Variants in GRID2 observed in about 807,000 individuals in gnomAD.
GRID2 encodes glutamate receptor ionotropic, delta-2.
A neutral mutation model predicts 114.8 loss-of-function variants in GRID2; 33 were observed. That is an observed-to-expected ratio of 0.29 (90% CI 0.22 to 0.38). GRID2 has a LOEUF of 0.38. GRID2 is among the 10% of genes least tolerant of loss of function. The pLI is 1.00. For missense variants in GRID2, 1,184 were observed against 1,257.7 expected (o/e 0.94, Z 0.89); for synonymous variants, 505 against 449.9 (o/e 1.12, Z -1.55).
intron 14 of GRID2, among the ~76,000 whole-genome samples, chr4:93,663,494 T>C (rs1723680619): frequency 6.6e-6 from 1 of 151,572 alleles, no homozygotes; most frequent in Non-Finnish European, 1.5e-5. Context: ...AAAATACATA[T>C]GTATGTATTA....
intron 2 of GRID2, among the ~76,000 whole-genome samples, chr4:93,075,374 A>T (rs867253136): frequency 6.6e-6 from 1 of 152,184 alleles, no homozygotes. Context: ...ATTATTTTCA[A>T]TTGTGAAAAA....
At chr4:92,747,904 C>T (rs974071066) in intron 2 of GRID2, among the ~76,000 whole-genome samples, 3 of 152,160 alleles carry the variant, frequency 2.0e-5, no homozygotes, top group African/African-American at 7.2e-5. Flanking sequence ...GTTTTCCAAA[C>T]TTCACTGATG....
chr4:93,514,422 TACACACACACACACACAC>T (rs56718347), intron 12 of GRID2, among the ~76,000 whole-genome samples: 9 of 139,754 alleles, frequency 6.4e-5, no homozygotes, highest in Admixed American at 1.5e-4. Context: ...ACCTCCACAG[TACACACACACACACACAC>T]ACACACACAC....
intron 10 of GRID2, among the ~76,000 whole-genome samples, chr4:93,433,396 G>A (rs1028896668): frequency 1.3e-5 from 2 of 152,016 alleles, no homozygotes; most frequent in Non-Finnish European, 2.9e-5. Flanking sequence ...ACATGTAATT[G>A]ACAACATAAA....
chr4:93,458,757 T>TA (rs974504790), intron 11 of GRID2, among the ~76,000 whole-genome samples: 2 of 151,960 alleles, frequency 1.3e-5, no homozygotes, highest in East Asian at 1.9e-4. Flanking sequence ...TTGACATATG[T>TA]AAAAAAAGGG....
intron 8 of GRID2, chr4:93,319,787 C>T (rs1168930297): frequency 2.0e-5 from 3 of 152,122 alleles, no homozygotes; most frequent in African/African-American, 7.2e-5. Context: ...TCAAGGAAAA[C>T]ATGGCCTCAG....
chr4:92,698,154 G>A (rs1734507545), intron 2 of GRID2, among the ~76,000 whole-genome samples: 1 of 152,066 alleles, frequency 6.6e-6, no homozygotes, highest in Non-Finnish European at 1.5e-5. Flanking sequence ...CTGTCTAAAT[G>A]CTGCCTAAGA....
At chr4:93,281,468 A>G (rs2149586203) in intron 8 of GRID2, among the ~76,000 whole-genome samples, 1 of 152,114 alleles carries the variant, frequency 6.6e-6, no homozygotes, top group South Asian at 2.1e-4. Context: ...CGACATGTTG[A>G]GGCATTGGAG....
At chr4:92,997,361 C>G (rs988003592) in intron 2 of GRID2, among the ~76,000 whole-genome samples, 1 of 152,164 alleles carries the variant, frequency 6.6e-6, no homozygotes, top group East Asian at 1.9e-4. Flanking sequence ...AAGACTCTCT[C>G]TAAGTCTGTG....
chr4:93,455,091 T>A (rs1368471552), intron 10 of GRID2, among the ~76,000 whole-genome samples: 1 of 152,094 alleles, frequency 6.6e-6, no homozygotes, highest in East Asian at 1.9e-4. Context: ...TTTCTGAAGT[T>A]TATACAATAC....
intron 1 of GRID2, among the ~76,000 whole-genome samples, chr4:92,370,836 A>C (rs1017960161): frequency 3.9e-5 from 6 of 152,184 alleles, no homozygotes; most frequent in African/African-American, 7.2e-5. Context: ...GATGGTTACC[A>C]AAGGGTGGGC....
In GRID2 at chr4:92,858,582, G is replaced by A. The variant is rs566284270; in HGVS notation, c.245-226413G>A. 5.3e-5 allele frequency among the ~76,000 whole-genome samples: 8 copies of A among 152,214 alleles called. No homozygotes were observed. The South Asian group carries it at 1.7e-3, about 32-fold the overall frequency. The stretch of plus-strand genomic sequence containing the variant: ...TGTTTTTTTTCTTTCTTTTGAGACG[G>A]AGTCTCACACTTTCGCCCAGGCTGG... On this transcript the variant is annotated intron_variant, in intron 2 of 15. Transcript: ENST00000282020.
At chr4:93,491,584 G>GA (rs1727018915) in intron 12 of GRID2, among the ~76,000 whole-genome samples, 1 of 151,752 alleles carries the variant, frequency 6.6e-6, no homozygotes. Flanking sequence ...AAATTTTCCT[G>GA]AAAATGTTTT....
chr4:92,895,399 A>G (rs1578408799), intron 2 of GRID2, among the ~76,000 whole-genome samples: 1 of 146,576 alleles, frequency 6.8e-6, no homozygotes, highest in Non-Finnish European at 1.5e-5. Context: ...ATATATATAT[A>G]TATATAAACT....
At chr4:92,398,482 G>A (rs914474175) in intron 1 of GRID2, among the ~76,000 whole-genome samples, 5 of 151,980 alleles carry the variant, frequency 3.3e-5, no homozygotes, top group African/African-American at 1.2e-4. Context: ...TGAATTTTTG[G>A]TAGACAAGTT....
At chr4:92,571,472 A>C (rs924405200) in intron 1 of GRID2, among the ~76,000 whole-genome samples, 4 of 152,216 alleles carry the variant, frequency 2.6e-5, no homozygotes, top group African/African-American at 9.6e-5. Flanking sequence ...TAGACAGATC[A>C]ATGAGACAGA....
intron 13 of GRID2, among the ~76,000 whole-genome samples, chr4:93,580,395 C>T (rs17020802): frequency 0.041 from 6,313 of 152,234 alleles, 163 homozygotes; most frequent in African/African-American, 0.07. Flanking sequence ...CACCCACTGA[C>T]GCACAAAAAT....
At chr4:93,354,744 A>G (rs1328814621) in intron 8 of GRID2, among the ~76,000 whole-genome samples, 2 of 146,714 alleles carry the variant, frequency 1.4e-5, no homozygotes, top group African/African-American at 5.0e-5. Context: ...ATATTTATGT[A>G]TATGTATATG....
At chr4:92,970,520 C>T (rs1009482600) in intron 2 of GRID2, among the ~76,000 whole-genome samples, 3 of 151,916 alleles carry the variant, frequency 2.0e-5, no homozygotes, top group African/African-American at 7.2e-5. Flanking sequence ...AAAACTAAAT[C>T]GATGATATTT....
Sources: allele counts gnomAD v4.1 joint callset (sites outside exome capture counted in the v4.1 genomes callset), GRCh38; gene constraint gnomAD v4.1.1; transcripts MANE v1.5; gene names NCBI Gene and HGNC (gene_info 2026-07-23, HGNC 2026-07-21).